The following SCEL variants were observed in gnomAD, a reference collection of about 807,000 sequenced individuals.
The protein encoded by SCEL is sciellin.
In SCEL, 113 loss-of-function variants were observed where a neutral mutation model predicts 117.6. That is an observed-to-expected ratio of 0.96 (90% confidence interval 0.83 to 1.12). SCEL has a LOEUF of 1.12. Ranked by LOEUF, SCEL falls within the 50% of genes most tolerant of loss-of-function variation. The pLI is 0.00. For missense variants in SCEL, 785 were observed against 810.8 expected (o/e 0.97, Z 0.39); for synonymous variants, 270 against 256.2 (o/e 1.05, Z -0.51).
At chr13:77,549,943 C>T (rs545890523) in intron 1 of SCEL, among the ~76,000 whole-genome samples, 10 of 151,388 alleles carry the variant, frequency 6.6e-5, no homozygotes, top group South Asian at 2.1e-4. Context: ...CTGGCAAAAC[C>T]GCACGGGCCA....
chr13:77,575,940 C>G (rs2085917811), intron 9 of SCEL, among the ~76,000 whole-genome samples: 1 of 152,150 alleles, frequency 6.6e-6, no homozygotes. Flanking sequence ...ACTGTTGTTC[C>G]TCATCACATT....
chr13:77,540,343 G>A (rs558939980), intron 1 of SCEL, among the ~76,000 whole-genome samples: 60 of 152,244 alleles, frequency 3.9e-4, no homozygotes, highest in African/African-American at 1.4e-3. Flanking sequence ...GAATGTGTGC[G>A]GGTGTGAGTA....
intron 6 of SCEL, 129 bp downstream of exon 6, chr13:77,567,877 G>T: frequency 6.5e-6 from 4 of 614,706 alleles, no homozygotes; most frequent in Non-Finnish European, 1.1e-5. Flanking sequence ...CATTACTCCT[G>T]TTCATGGCTA....
At chr13:77,545,880 A>T (rs1467113326) in intron 1 of SCEL, among the ~76,000 whole-genome samples, 1 of 152,284 alleles carries the variant, frequency 6.6e-6, no homozygotes, top group Admixed American at 6.5e-5. Context: ...TGCATCTTTG[A>T]TAAGAAAAAT....
At chr13:77,618,354 A>T (rs1318528220) in intron 27 of SCEL, among the ~76,000 whole-genome samples, 2 of 151,320 alleles carry the variant, frequency 1.3e-5, no homozygotes, top group South Asian at 2.1e-4. Context: ...CAAATTTTTT[A>T]AAATTTTTTT....
chr13:77,589,126 CT>C lies in SCEL; in HGVS notation c.546-17del, dbSNP rs755076367. On this transcript the variant is annotated splice_polypyrimidine_tract_variant and intron_variant, in intron 9 of 32. Coordinates refer to ENST00000349847, the MANE Select transcript of SCEL (RefSeq NM_144777.3). Reference sequence around the variant, plus strand: ...CATGTTTCCATGGTGAAATGAACTGCTGTTTTCTGTTTTAAAGGGAACCAGG... The same window carrying C: ...CATGTTTCCATGGTGAAATGAACTGCGTTTTCTGTTTTAAAGGGAACCAGG... 14 of 1,578,750 alleles carry C rather than the reference CT, an allele frequency of 8.9e-6. No individual in the cohort carries two copies. The South Asian group carries it at 1.6e-4, about 18-fold the overall frequency.
At chr13:77,568,415 T>C (rs973751172) in intron 7 of SCEL, 82 bp downstream of exon 7, 14 of 792,736 alleles carry the variant, frequency 1.8e-5, no homozygotes, top group Non-Finnish European at 2.8e-5. Flanking sequence ...GCCAATTTTA[T>C]TGGAATACAG....
intron 1 of SCEL, among the ~76,000 whole-genome samples, chr13:77,550,863 A>G (rs1025060368): frequency 6.6e-6 from 1 of 152,172 alleles, no homozygotes; most frequent in Non-Finnish European, 1.5e-5. Context: ...AACCAAAGGA[A>G]TGTTGGGGAA....
Position 77,637,048 on chromosome 13 carries a change from G to A in SCEL, c.1764-72G>A. 8 of 669,772 alleles carry A rather than the reference G, an allele frequency of 1.2e-5. 1 individual carries two copies. The highest frequency in any genetic ancestry group is 8.5e-5 in the South Asian group (5 of 58,996). 41.5% of individuals were successfully genotyped at this position (669,772 alleles called of 1,614,324 possible). On this transcript the variant is annotated intron_variant, in intron 29 of 32. Transcript: ENST00000349847. ...AAATATTATGAGGCTTCATGAGGTG[G>A]TGTGAGTGTGTTTTCTTATCTACAT...
intron 3 of SCEL, among the ~76,000 whole-genome samples, chr13:77,558,535 C>T (rs530087560): frequency 1.4e-4 from 22 of 152,110 alleles, no homozygotes; most frequent in East Asian, 1.4e-3. Context: ...TACCGGAGGC[C>T]GGGCGTGGTG....
At chr13:77,571,787 A>G (rs1166665604) in intron 8 of SCEL, among the ~76,000 whole-genome samples, 2 of 151,920 alleles carry the variant, frequency 1.3e-5, no homozygotes, top group Non-Finnish European at 2.9e-5. Context: ...AAGCAGAAAA[A>G]TAGGGAGAAT....
rs749118365 is a variant in SCEL at position 77,644,234 on chromosome 13, C to T, written c.2051-24C>T. On this transcript the variant is annotated intron_variant, in intron 32 of 32. Coordinates refer to ENST00000349847, the MANE Select transcript of SCEL (RefSeq NM_144777.3). ...AGCTTGTTTCTGTACTGAATTTGCA[C>T]GTCTTTTTTCTTTTAATTTGCAGCA... 2.0e-5 allele frequency: 33 copies of T among 1,612,638 alleles called. No homozygotes were observed. The East Asian group carries it at 4.9e-4, about 24-fold the overall frequency.
intron 3 of SCEL, among the ~76,000 whole-genome samples, chr13:77,558,222 A>T (rs919695529): frequency 6.6e-6 from 1 of 152,202 alleles, no homozygotes; most frequent in Non-Finnish European, 1.5e-5. Flanking sequence ...ATGCTTTCCC[A>T]GGAAAACCCA....
chr13:77,596,688 G>GGT (rs71102762), intron 12 of SCEL, among the ~76,000 whole-genome samples: 58,470 of 145,162 alleles, frequency 0.4, 12,940 homozygotes, highest in Non-Finnish European at 0.49. Context: ...GGTGGGGCAA[G>GGT]GTGTGTGTGT....
chr13:77,547,814 A>G (rs1276902408), intron 1 of SCEL, among the ~76,000 whole-genome samples: 2 of 152,220 alleles, frequency 1.3e-5, no homozygotes, highest in African/African-American at 4.8e-5. Flanking sequence ...GAACAAGCTC[A>G]TGGAACTTAC....
intron 5 of SCEL, among the ~76,000 whole-genome samples, chr13:77,565,106 G>C (rs1382905684): frequency 6.6e-6 from 1 of 152,176 alleles, no homozygotes; most frequent in Non-Finnish European, 1.5e-5. Flanking sequence ...GAAAACCTAA[G>C]CTTTTGTAGG....
chr13:77,580,960 C>T (rs1423466086), intron 9 of SCEL, among the ~76,000 whole-genome samples: 1 of 152,008 alleles, frequency 6.6e-6, no homozygotes, highest in East Asian at 1.9e-4. Flanking sequence ...AAGTGAGTTG[C>T]CATGGCAACC....
intron 28 of SCEL, among the ~76,000 whole-genome samples, chr13:77,632,983 G>A (rs2090093485): frequency 6.6e-6 from 1 of 152,194 alleles, no homozygotes; most frequent in Non-Finnish European, 1.5e-5. Flanking sequence ...GTGTGAAAAT[G>A]TTACAGGAAC....
intron 27 of SCEL, 38 bp from the exon 28 acceptor site, chr13:77,627,908 AT>A (rs754898852): frequency 1.2e-6 from 1 of 818,174 alleles, no homozygotes. Context: ...TCCTATCATT[AT>A]GTTGTAATTA....
Sources: allele counts gnomAD v4.1 joint callset (sites outside exome capture counted in the v4.1 genomes callset), GRCh38; gene constraint gnomAD v4.1.1; transcripts MANE v1.5; gene names NCBI Gene and HGNC (gene_info 2026-07-23, HGNC 2026-07-21).